The following RNH1 variants were observed in gnomAD, a reference collection of about 807,000 sequenced individuals.
The protein encoded by RNH1 is ribonuclease/angiogenin inhibitor 1.
A neutral mutation model predicts 46.1 loss-of-function variants in RNH1; 38 were observed. The observed-to-expected ratio is 0.82, with a 90% CI of 0.64 to 1.08. The LOEUF is 1.08. Among genes scored for constraint, RNH1 ranks in the 50% least tolerant of loss-of-function variants. The probability of loss-of-function intolerance (pLI) is 0.00; values close to 1 mark genes in which losing one functional copy is unlikely to be tolerated. For missense variants in RNH1, 577 were observed against 590.7 expected, an observed-to-expected ratio of 0.98 and a Z score of 0.24; for synonymous variants, 319 against 279.1, an observed-to-expected ratio of 1.14 and a Z score of -1.43.
intron 4 of RNH1, 156 bp downstream of exon 4, chr11:500,328 G>T: frequency 1.1e-6 from 1 of 924,714 alleles, no homozygotes; most frequent in Non-Finnish European, 1.6e-6. Context: ...CTGTGAGACC[G>T]CCAGGCCTGT....
chr11:505,584 T>A (rs1850194836), intron 1 of RNH1: 2 of 152,204 alleles, frequency 1.3e-5, no homozygotes, highest in South Asian at 4.1e-4. Flanking sequence ...TCCAGGCCTA[T>A]AAAACAGCCT....
chr11:500,640 C>T lies in RNH1; in HGVS notation c.116G>A (p.Gly39Asp). 3 of 1,605,752 alleles carry T rather than the reference C, an allele frequency of 1.9e-6. No individual in the cohort carries two copies. The highest frequency in any genetic ancestry group is 2.5e-6 in the Non-Finnish European group (3 of 1,179,882). ...QCQVVRLDDCGLTEARCKDIS... is the reference protein window; with the variant it reads ...QCQVVRLDDCDLTEARCKDIS... ...GTCCTTGCACCGTGCTTCCGTGAGG[C>T]CACAGTCGTCCAGCCTGTGAGCAGA... Residue 39 changes from glycine to aspartate, a missense_variant, in exon 4 of 11, where the codon GGC (glycine) becomes GAC (aspartate). Gly to Asp is a moderately conservative substitution (Grantham distance 94, BLOSUM62 -1). Coordinates refer to ENST00000354420, the MANE Select transcript of RNH1 (RefSeq NM_203387.3).
Position 499,019 on chromosome 11 carries a change from G to A in RNH1, c.610C>T (p.Leu204Phe). The A allele has an allele frequency of 6.2e-7, 1 of 1,613,024 alleles. No homozygotes were observed. The highest frequency in any genetic ancestry group is 8.5e-7 in the Non-Finnish European group (1 of 1,179,928). Residue 204 changes from leucine to phenylalanine, a missense_variant, in exon 6 of 11, where the codon CTC (leucine) becomes TTC (phenylalanine). By Grantham distance (22) the Leu-to-Phe change is conservative. Transcript: ENST00000354420. ...CCCCCAAGGCCCAGTGCCTACTTGAGCGCCTCCAGCTGGCAGGGGGAGTCC... is the reference window on the plus strand; with the variant it reads ...CCCCCAAGGCCCAGTGCCTACTTGAACGCCTCCAGCTGGCAGGGGGAGTCC... ...LKDSPCQLEALKLESCGVTSD... is the reference protein window; with the variant it reads ...LKDSPCQLEAFKLESCGVTSD...
At chr11:498,697 G>A in intron 7 of RNH1, 66 bp downstream of exon 7, 3 of 1,597,080 alleles carry the variant, frequency 1.9e-6, no homozygotes, top group Non-Finnish European at 2.6e-6. Flanking sequence ...CCAGGGGCGG[G>A]GGAGAGCTCT....
rs1849204159 is a variant in RNH1, at chr11:497,284, CT to C, written c.1127+686del. Among the ~76,000 whole-genome samples the C allele has an allele frequency of 5.3e-5, 8 of 150,422 alleles. No individual in the cohort carries two copies. The South Asian group carries it at 1.7e-3, about 32-fold the overall frequency. On this transcript the variant is annotated intron_variant, in intron 9 of 10. Coordinates refer to ENST00000354420, the MANE Select transcript of RNH1 (RefSeq NM_203387.3). ...TCGCCCATGTGCTCACACACGGACA[CT>C]CGTGCTCATTCTTGCCCATGTGCTC...
chr11:495,117 CAGGCCT>C (rs1848941531), intron 9 of RNH1, 64 bp from the exon 10 acceptor site: 11 of 1,523,354 alleles, frequency 7.2e-6, no homozygotes, highest in Non-Finnish European at 9.8e-6. Context: ...ACCGGCAGAG[CAGGCCT>C]GGGCCTGGGG....
At chr11:495,728 G>A (rs1045295057) in intron 9 of RNH1, among the ~76,000 whole-genome samples, 22 of 152,186 alleles carry the variant, frequency 1.4e-4, no homozygotes, top group African/African-American at 5.1e-4. Flanking sequence ...GGTCCTGGCA[G>A]CCAGGATGGT....
In RNH1 at chr11:504,859, G is replaced by A. The variant is rs1317160377; in HGVS notation, c.-123C>T. Reference sequence around the variant, plus strand: ...CCTTTTTGCTACCAGACTGGAGAAGGTGGAACAGGTTGACGATGATTTGTT... The same window carrying A: ...CCTTTTTGCTACCAGACTGGAGAAGATGGAACAGGTTGACGATGATTTGTT... On this transcript the variant is annotated 5_prime_UTR_variant, in exon 2 of 11. Transcript: ENST00000354420. 2.0e-5 allele frequency: 3 copies of A among 152,226 alleles called. No homozygotes were observed. The highest frequency in any genetic ancestry group is 7.2e-5 in the African/African-American group (3 of 41,456). 9.4% of individuals were successfully genotyped at this position (152,226 alleles called of 1,614,324 possible). A position where few individuals can be genotyped will look rare whatever the true frequency, so the allele number is the denominator to read the frequency against.
Position 494,974 on chromosome 11 carries a change from G to C in RNH1, c.1207C>G (p.Leu403Val). The part of the protein sequence containing the change: ...TLLANHSLRE[L>V]DLSNNCLGDA... ...CCCAGGCAGTTGTTGCTGAGGTCCA[G>C]CTCACGCAGGCTGTGGTTGGCCAAC... Residue 403 changes from leucine (L) to valine (V), a missense_variant, in exon 10 of 11, where the codon CTG (leucine) becomes GTG (valine). Coordinates refer to ENST00000354420, the MANE Select transcript of RNH1 (RefSeq NM_203387.3). The C allele has an allele frequency of 1.9e-6, 3 of 1,606,156 alleles. No homozygotes were observed. The highest frequency in any genetic ancestry group is 2.5e-6 in the Non-Finnish European group (3 of 1,176,750).
At chr11:499,434 A>G in intron 5 of RNH1, 1 of 678,114 alleles carries the variant, frequency 1.5e-6, no homozygotes, top group South Asian at 1.5e-5. Context: ...CCCGGGAGAA[A>G]GAAACCAGCC....
Position 498,639 on chromosome 11 carries a change from G to A in RNH1, c.786-12C>T. 3 of 1,611,316 alleles carry A rather than the reference G, an allele frequency of 1.9e-6. No individual in the cohort carries two copies. The highest frequency in any genetic ancestry group is 2.7e-5 in the African/African-American group (2 of 75,064). ...CACACTCCCAGATCCTGCAGGACAT[G>A]GACCACCACAGACTTTCCTCAGCAC... On this transcript the variant is annotated splice_polypyrimidine_tract_variant and intron_variant, in intron 7 of 10. Coordinates refer to ENST00000354420, the MANE Select transcript of RNH1 (RefSeq NM_203387.3).
At chr11:500,916 G>A in intron 3 of RNH1, 1 of 561,874 alleles carries the variant, frequency 1.8e-6, no homozygotes, top group Non-Finnish European at 3.3e-6. Flanking sequence ...ATCACCTGAG[G>A]TCGGGAGTTC....
rs1337113338 is a variant in RNH1, at chr11:501,891, A to T, written c.101+171T>A. On this transcript the variant is annotated intron_variant, in intron 3 of 10. Coordinates refer to ENST00000354420, the MANE Select transcript of RNH1 (RefSeq NM_203387.3). The surrounding 1 kb of genome is among the most constrained non-coding windows in gnomAD (Gnocchi z 4.1). ...GCCTGGAATGGGTTTTACATTCCTA[A>T]ATTGTCAAAAAGAAACACAAGAATC... 1.6e-6 allele frequency: 1 copy of T among 608,598 alleles called. No individual in the cohort carries two copies. Among genetic ancestry groups the T allele is most frequent in the African/African-American group, 1.8e-5 (1 of 54,172 alleles). 37.7% of individuals were successfully genotyped at this position (608,598 alleles called of 1,614,324 possible).
intron 9 of RNH1, among the ~76,000 whole-genome samples, chr11:497,271 TCA>T (rs1289303634): frequency 7.1e-6 from 1 of 140,530 alleles, no homozygotes; most frequent in Non-Finnish European, 1.5e-5. Context: ...GCCCATGTGC[TCA>T]CACACGGACA....
chr11:501,782 A>C lies in RNH1; in HGVS notation c.101+280T>G. On this transcript the variant is annotated intron_variant, in intron 3 of 10. Coordinates refer to ENST00000354420, the MANE Select transcript of RNH1 (RefSeq NM_203387.3). This position sits in a 1 kb window ranked among gnomAD's most constrained non-coding sequence, Gnocchi z 4.1. Reference sequence around the variant, plus strand: ...CTGCCCTCGTGTCTCCAAGGGAGGGAGAGGAGCTGAGACACCGGAGCCAGA... The same window carrying C: ...CTGCCCTCGTGTCTCCAAGGGAGGGCGAGGAGCTGAGACACCGGAGCCAGA... 2.1e-6 allele frequency: 1 copy of C among 480,782 alleles called. No individual in the cohort carries two copies. Among genetic ancestry groups the C allele is most frequent in the East Asian group, 3.5e-5 (1 of 28,760 alleles). 29.8% of individuals were successfully genotyped at this position (480,782 alleles called of 1,614,324 possible).
chr11:497,191 GCTCACT>G (rs1226765267), intron 9 of RNH1, among the ~76,000 whole-genome samples: 1 of 136,366 alleles, frequency 7.3e-6, no homozygotes, highest in Non-Finnish European at 1.6e-5. Context: ...GGACACTCGT[GCTCACT>G]CTCACCCATG....
intron 5 of RNH1, chr11:499,502 T>TC (rs1282396336): frequency 2.9e-6 from 2 of 694,624 alleles, no homozygotes; most frequent in South Asian, 3.0e-5. Context: ...AATGGCCGGG[T>TC]CCCCCACACA....
rs1849767956 is a variant in RNH1 at position 501,741 on chromosome 11, G to A, written c.101+321C>T. ...AGCGCCCCATGGAGGCTCACGGAGG[G>A]GACCCAAGCTGTGTCCTGCCCTCGT... On this transcript the variant is annotated intron_variant, in intron 3 of 10. Transcript: ENST00000354420. This position sits in a 1 kb window ranked among gnomAD's most constrained non-coding sequence, Gnocchi z 4.1. 5.7e-6 allele frequency: 2 copies of A among 351,700 alleles called. No individual in the cohort carries two copies. Among genetic ancestry groups the A allele is most frequent in the Non-Finnish European group, 1.1e-5 (2 of 188,062 alleles). The allele number at this position is 351,700 out of a possible 1,614,324, so 21.8% of individuals were successfully genotyped here.
At chr11:500,170 C>T (rs1590744872) in intron 4 of RNH1, 171 bp from the exon 5 acceptor site, 4 of 777,396 alleles carry the variant, frequency 5.1e-6, no homozygotes, top group South Asian at 1.9e-5. Flanking sequence ...AAGGAGGGCA[C>T]GCATGTGGCT....
Sources: gnomAD v4.1 joint callset for allele counts (sites outside exome capture counted in the v4.1 genomes callset) on GRCh38, gnomAD v4.1.1 for gene constraint, Gnocchi (gnomAD v3.1) non-coding constraint, MANE v1.5 for transcripts, NCBI Gene and HGNC (gene_info 2026-07-23, HGNC 2026-07-21) for gene names.